The following RNF139 variants were observed in gnomAD, a reference collection of about 807,000 sequenced individuals.
RNF139 encodes E3 ubiquitin-protein ligase RNF139.
A neutral mutation model predicts 49.5 loss-of-function variants in RNF139; 15 were observed. That is an observed-to-expected ratio of 0.30 (90% CI 0.20 to 0.47). RNF139 has a LOEUF of 0.47. Ranked by LOEUF, RNF139 falls within the 20% of genes least tolerant of loss-of-function variation. RNF139 has a pLI of 1.00. For missense variants in RNF139, 619 were observed against 806.3 expected, an observed-to-expected ratio of 0.77 and a Z score of 2.81; for synonymous variants, 325 against 300.9, an observed-to-expected ratio of 1.08 and a Z score of -0.83.
At chr8:124,475,743 G>A (rs766891443) in intron 1 of RNF139, among the ~76,000 whole-genome samples, 4 of 152,104 alleles carry the variant, frequency 2.6e-5, no homozygotes, top group Non-Finnish European at 4.4e-5. Flanking sequence ...TGCACCCGAG[G>A]GTCCACAGGA....
At chr8:124,481,059 G>C (rs545626512) in intron 1 of RNF139, among the ~76,000 whole-genome samples, 2 of 152,108 alleles carry the variant, frequency 1.3e-5, no homozygotes, top group African/African-American at 4.8e-5. Context: ...TATAAGTTTA[G>C]TTTAAAAGCA....
At chr8:124,480,596 C>T (rs1816391981) in intron 1 of RNF139, among the ~76,000 whole-genome samples, 2 of 152,158 alleles carry the variant, frequency 1.3e-5, no homozygotes, top group African/African-American at 4.8e-5. Flanking sequence ...GTTCAGCTAT[C>T]TGAGAGCTCA....
chr8:124,480,237 A>G (rs1264395632), intron 1 of RNF139, among the ~76,000 whole-genome samples: 2 of 152,000 alleles, frequency 1.3e-5, no homozygotes, highest in Non-Finnish European at 2.9e-5. Context: ...AATATGGAAT[A>G]TTTTATTTTT....
intron 1 of RNF139, among the ~76,000 whole-genome samples, chr8:124,478,923 C>T (rs993909198): frequency 6.6e-5 from 10 of 151,704 alleles, no homozygotes; most frequent in Non-Finnish European, 1.2e-4. Context: ...CAGGTTTTCT[C>T]CATGTTGGTC....
At chr8:124,479,439 G>A (rs192344952) in intron 1 of RNF139, among the ~76,000 whole-genome samples, 2 of 152,202 alleles carry the variant, frequency 1.3e-5, no homozygotes, top group African/African-American at 4.8e-5. Context: ...TTTTGGTGCC[G>A]AAAAAGACTT....
chr8:124,480,404 TAAAAAA>T (rs34661621), intron 1 of RNF139, among the ~76,000 whole-genome samples: 4 of 89,076 alleles, frequency 4.5e-5, no homozygotes, highest in South Asian at 4.2e-4. Flanking sequence ...ACTCCATCAC[TAAAAAA>T]AAAAAAAAAA....
intron 1 of RNF139, among the ~76,000 whole-genome samples, chr8:124,475,618 A>G (rs1312351990): frequency 6.6e-6 from 1 of 152,220 alleles, no homozygotes; most frequent in African/African-American, 2.4e-5. Context: ...CAGCCTTCGA[A>G]AAACAACTCT....
At chr8:124,482,077 G>A (rs1386826169) in intron 1 of RNF139, among the ~76,000 whole-genome samples, 1 of 152,100 alleles carries the variant, frequency 6.6e-6, no homozygotes, top group East Asian at 1.9e-4. Flanking sequence ...CTTGGGGGGT[G>A]TGATTTTAAT....
In RNF139 at chr8:124,487,667, TTGAGG is replaced by T. The variant is rs754796920; in HGVS notation, c.*25_*29del. ...TGATGAAAATAGCATTTATTAATGATTGAGGTATTTGTTTAAAATTCAGTTCATCC... is the reference window on the plus strand; with the variant it reads ...TGATGAAAATAGCATTTATTAATGATTATTTGTTTAAAATTCAGTTCATCC... On this transcript the variant is annotated 3_prime_UTR_variant, in exon 2 of 2. Coordinates refer to ENST00000303545, the MANE Select transcript of RNF139 (RefSeq NM_007218.4). 5.8e-6 allele frequency: 9 copies of T among 1,562,296 alleles called. No homozygotes were observed. Among genetic ancestry groups the T allele is most frequent in the Non-Finnish European group, 6.9e-6 (8 of 1,156,248 alleles).
Position 124,483,100 on chromosome 8 carries a change from TATATATA to T in RNF139, c.182-2730_182-2724del, listed in dbSNP as rs1816473460. ...ATTTAAATATATATATATTTAAAAATATATATATTAAAAATATATATATTTAAAAGAG... is the reference window on the plus strand; with the variant it reads ...ATTTAAATATATATATATTTAAAAATTTAAAAATATATATATTTAAAAGAG... On this transcript the variant is annotated intron_variant, in intron 1 of 1. Transcript: ENST00000303545. Among the ~76,000 whole-genome samples the T allele has an allele frequency of 1.1e-3, 7 of 6,352 alleles. 3 individuals are homozygous for T. The South Asian group carries it at 0.024, about 22-fold the overall frequency. The allele number at this position is 6,352 out of a possible 152,430, so 4.2% of individuals were successfully genotyped here.
Position 124,486,246 on chromosome 8 carries a change from G to C in RNF139, c.597G>C (p.Lys199Asn). ...TGTTTGTCCTGGCAGTGAAACTGAA[G>C]TGGTTTTATTATTCCACACGATATG... ...NTVFVLAVKL[K>N]WFYYSTRYVY... Residue 199 changes from lysine to asparagine, a missense_variant, in exon 2 of 2, where the codon AAG becomes AAC. Lys to Asn is a moderately conservative substitution (Grantham distance 94). This residue lies in a region of RNF139 where 530 missense variants were observed against 728.9 expected (regional missense o/e 0.73). Transcript: ENST00000303545. 6.2e-7 allele frequency: 1 copy of C among 1,614,042 alleles called. No individual in the cohort carries two copies. The highest frequency in any genetic ancestry group is 2.2e-5 in the East Asian group (1 of 44,894).
chr8:124,482,960 TATATATATATTATTTAA>T (rs1816447696), intron 1 of RNF139, among the ~76,000 whole-genome samples: 2 of 66,868 alleles, frequency 3.0e-5, no homozygotes, highest in African/African-American at 8.9e-5. Flanking sequence ...ATATATATAA[TATATATATATTATTTAA>T]ATATATATAT....
rs552507762 is a variant in RNF139 at position 124,486,897 on chromosome 8, A to G, written c.1248A>G (p.Leu416=). 2 of 1,614,044 alleles carry G rather than the reference A, an allele frequency of 1.2e-6. No individual in the cohort carries two copies. The highest frequency in any genetic ancestry group is 1.7e-6 in the Non-Finnish European group (2 of 1,180,008). ...ATGTTCTTTGGCATCACTATGCACT[A>G]AATACATGGTTGTTTGCAGTTACAG... ...LSYVLWHHYA[L]NTWLFAVTAF... The change falls in exon 2 of 2, where the codon CTA becomes CTG. Residue 416 remains leucine, a synonymous_variant. Transcript: ENST00000303545.
Position 124,487,674 on chromosome 8 carries a change from ATTTG to A in RNF139, c.*34_*37del, listed in dbSNP as rs778503802. On this transcript the variant is annotated 3_prime_UTR_variant, in exon 2 of 2. Transcript: ENST00000303545. ...AATAGCATTTATTAATGATTGAGGT[ATTTG>A]TTTAAAATTCAGTTCATCCAAAATG... 1.3e-5 allele frequency: 20 copies of A among 1,554,990 alleles called. No homozygotes were observed. The highest frequency in any genetic ancestry group is 1.8e-4 in the Middle Eastern group (1 of 5,688).
At chr8:124,476,613 C>T (rs1165537222) in intron 1 of RNF139, among the ~76,000 whole-genome samples, 2 of 152,238 alleles carry the variant, frequency 1.3e-5, no homozygotes, top group Non-Finnish European at 2.9e-5. Flanking sequence ...CAGTAACCCA[C>T]CTGCTACCTA....
At chr8:124,485,576 G>A (rs985101488) in intron 1 of RNF139, among the ~76,000 whole-genome samples, 2 of 152,148 alleles carry the variant, frequency 1.3e-5, no homozygotes, top group East Asian at 1.9e-4. Context: ...CAGCTACAGT[G>A]TTACTTGAAA....
intron 1 of RNF139, among the ~76,000 whole-genome samples, chr8:124,484,722 A>C (rs1180618365): frequency 6.6e-6 from 1 of 152,192 alleles, no homozygotes; most frequent in Non-Finnish European, 1.5e-5. Context: ...TTTCTGTCAG[A>C]GTACAAAGAA....
Position 124,485,893 on chromosome 8 carries a change from T to C in RNF139, c.244T>C (p.Tyr82His). The change falls in exon 2 of 2, where the codon TAC (tyrosine) becomes CAC (histidine). Residue 82 changes from tyrosine (Y) to histidine (H), a missense_variant. By Grantham distance (83) the Tyr-to-His change is moderately conservative. Around this residue, in one of 2 missense-constraint regions of RNF139, gnomAD observed 530 missense variants for 728.9 expected, o/e 0.73. Coordinates refer to ENST00000303545, the MANE Select transcript of RNF139 (RefSeq NM_007218.4). The stretch of plus-strand genomic sequence containing the variant: ...ACGATCACTTTTCAAGTTTTACACG[T>C]ACAGCTCAGCCTTTCTGTTAGCTGC... ...SQRSLFKFYT[Y>H]SSAFLLAATS... 6.2e-7 allele frequency: 1 copy of C among 1,614,048 alleles called. No homozygotes were observed. The highest frequency in any genetic ancestry group is 2.2e-5 in the East Asian group (1 of 44,880).
At chr8:124,479,238 G>A (rs146691482) in intron 1 of RNF139, among the ~76,000 whole-genome samples, 215 of 152,198 alleles carry the variant, frequency 1.4e-3, no homozygotes, top group African/African-American at 4.5e-3. Flanking sequence ...TGCCTGGCTC[G>A]TACAACTTTT....
Sources: allele counts gnomAD v4.1 joint callset (sites outside exome capture counted in the v4.1 genomes callset), GRCh38; gene constraint gnomAD v4.1.1; regional missense constraint gnomAD v4.1.1; transcripts MANE v1.5; gene names NCBI Gene and HGNC (gene_info 2026-07-23, HGNC 2026-07-21).